DOCK4: variants seen among roughly 807,000 people sequenced by gnomAD.
The protein encoded by DOCK4 is dedicator of cytokinesis protein 4.
A neutral mutation model predicts 268.1 loss-of-function variants in DOCK4; 97 were observed. The ratio of observed to expected loss-of-function variants is 0.36; its 90% CI spans 0.31 to 0.43. The LOEUF is 0.43. Ranked by LOEUF, DOCK4 falls within the 20% of genes least tolerant of loss-of-function variation. The pLI is 1.00. For missense variants in DOCK4, 2,145 were observed against 2,455.7 expected (o/e 0.87, Z 2.67); for synonymous variants, 954 against 887.2 (o/e 1.08, Z -1.34).
chr7:111,933,697 G>T (rs1206398442), intron 12 of DOCK4, among the ~76,000 whole-genome samples: 3 of 152,096 alleles, frequency 2.0e-5, no homozygotes, highest in East Asian at 1.9e-4. Flanking sequence ...TAGAGATTCT[G>T]CCCTCAATAG....
intron 22 of DOCK4, among the ~76,000 whole-genome samples, chr7:111,864,639 C>A (rs1044429395): frequency 6.6e-6 from 1 of 152,092 alleles, no homozygotes; most frequent in Non-Finnish European, 1.5e-5. Context: ...TTGATGCCAG[C>A]GCCATCAAAA....
chr7:111,834,352 G>A (rs1004941367), intron 26 of DOCK4, among the ~76,000 whole-genome samples: 2 of 152,090 alleles, frequency 1.3e-5, no homozygotes, highest in Non-Finnish European at 2.9e-5. Context: ...TTTGATGACA[G>A]GTACTTCACA....
chr7:112,066,690 C>CATATATATATATATATATATATATAT (rs751631282), intron 1 of DOCK4, among the ~76,000 whole-genome samples: 1 of 20,990 alleles, frequency 4.8e-5, no homozygotes, highest in Non-Finnish European at 8.4e-5. Context: ...TATACATATA[C>CATATATATATATATATATATATATAT]ATATATATAT....
chr7:111,873,853 A>G (rs1586234873), intron 17 of DOCK4, among the ~76,000 whole-genome samples: 1 of 152,236 alleles, frequency 6.6e-6, no homozygotes, highest in South Asian at 2.1e-4. Context: ...GAGGAGGAGG[A>G]ATTAGAATGA....
intron 16 of DOCK4, among the ~76,000 whole-genome samples, chr7:111,891,126 A>T (rs1198132538): frequency 6.6e-6 from 1 of 152,164 alleles, no homozygotes; most frequent in African/African-American, 2.4e-5. Flanking sequence ...GTCCAGAATT[A>T]AATAGTATAA....
chr7:111,863,389 T>A lies in DOCK4; in HGVS notation c.2456A>T (p.Gln819Leu). Residue 819 changes from glutamine (Q) to leucine (L), a missense_variant, in exon 23 of 53, where the codon CAG becomes CTG. Transcript: ENST00000428084. ...LQCIGKTVES[Q>L]LYTNPDSRYI... ...CACCCTACCTGGGTTGGTATAAAGC[T>A]GGCTTTCCACGGTTTTGCCAATGCA... 6.2e-7 allele frequency: 1 copy of A among 1,614,024 alleles called. No homozygotes were observed. The highest frequency in any genetic ancestry group is 8.5e-7 in the Non-Finnish European group (1 of 1,179,900).
chr7:111,969,799 A>G (rs1214042235), intron 8 of DOCK4, among the ~76,000 whole-genome samples: 4 of 152,204 alleles, frequency 2.6e-5, no homozygotes, highest in South Asian at 4.1e-4. Context: ...AACAAATACC[A>G]TGACTCTATC....
intron 1 of DOCK4, among the ~76,000 whole-genome samples, chr7:112,030,020 AT>A (rs1421489716): frequency 1.3e-5 from 2 of 152,208 alleles, no homozygotes; most frequent in Non-Finnish European, 2.9e-5. Flanking sequence ...TAGGAGAACC[AT>A]TACATCTGCA....
In DOCK4 at chr7:111,868,152, T is replaced by G; in HGVS notation, c.2112A>C (p.Ala704=). The change falls in exon 22 of 53, where the codon GCA becomes GCC. Residue 704 remains alanine, a splice_region_variant and synonymous_variant. Coordinates refer to ENST00000428084, the MANE Select transcript of DOCK4 (RefSeq NM_001363540.2). ...RQEHIQEVLK[A]QEYIFKYIVQ... ...CTATATACTTAAAAATGTATTCTTG[T>G]GCCTTAAAAATACAATTTTTAAAAG... 6.4e-7 allele frequency: 1 copy of G among 1,572,848 alleles called. No individual in the cohort carries two copies. The highest frequency in any genetic ancestry group is 8.6e-7 in the Non-Finnish European group (1 of 1,162,294).
rs560676558 is a variant in DOCK4, at chr7:112,058,344, G to C, written c.38-54213C>G. Among the ~76,000 whole-genome samples, 12 of 152,148 alleles carry C rather than the reference G, an allele frequency of 7.9e-5. 1 individual carries two copies. The South Asian group carries it at 2.5e-3, about 32-fold the overall frequency. ...CCTCTACTCCAAGATGGCTCCAAAA[G>C]CAATATGAAGTGATGACATGATGTA... On this transcript the variant is annotated intron_variant, in intron 1 of 52. Coordinates refer to ENST00000428084, the MANE Select transcript of DOCK4 (RefSeq NM_001363540.2).
chr7:111,789,008 T>G (rs1585990107), intron 31 of DOCK4: 1 of 511,860 alleles, frequency 2.0e-6, no homozygotes, highest in East Asian at 3.3e-5. Flanking sequence ...CAAACACAAA[T>G]GCTTGCAGCC....
chr7:111,921,661 C>A (rs1260344870), intron 12 of DOCK4, among the ~76,000 whole-genome samples: 1 of 152,154 alleles, frequency 6.6e-6, no homozygotes, highest in Non-Finnish European at 1.5e-5. Context: ...CCTCTCTGTG[C>A]TTTGGTTTCC....
chr7:111,757,748 A>C (rs1797128049), intron 41 of DOCK4, among the ~76,000 whole-genome samples: 1 of 152,230 alleles, frequency 6.6e-6, no homozygotes, highest in African/African-American at 2.4e-5. Context: ...GAGCTGACCA[A>C]GTGAGTTAAC....
chr7:111,789,254 C>T (rs1799374570), intron 31 of DOCK4: 1 of 159,202 alleles, frequency 6.3e-6, no homozygotes, highest in Non-Finnish European at 1.4e-5. Flanking sequence ...GATGGTAGAT[C>T]CATAGCAATA....
chr7:112,087,431 T>C (rs1809198114), intron 1 of DOCK4, among the ~76,000 whole-genome samples: 1 of 152,126 alleles, frequency 6.6e-6, no homozygotes, highest in South Asian at 2.1e-4. Flanking sequence ...TGCACACAAA[T>C]AGACATCCTC....
chr7:111,808,602 A>T, intron 30 of DOCK4: 1 of 469,260 alleles, frequency 2.1e-6, no homozygotes, highest in Non-Finnish European at 3.8e-6. Context: ...ATTAATAATG[A>T]AACACACAAA....
intron 52 of DOCK4, among the ~76,000 whole-genome samples, chr7:111,730,859 C>A (rs112446392): frequency 0.012 from 1,775 of 152,294 alleles, 14 homozygotes; most frequent in Non-Finnish European, 0.019. Context: ...TATATACCAG[C>A]TTGCTAAGAC....
intron 30 of DOCK4, among the ~76,000 whole-genome samples, chr7:111,803,951 T>A (rs1034903213): frequency 6.6e-6 from 1 of 152,168 alleles, no homozygotes; most frequent in Non-Finnish European, 1.5e-5. Context: ...AAATAACAAA[T>A]GCTGGAGAGA....
intron 23 of DOCK4, among the ~76,000 whole-genome samples, chr7:111,861,475 G>A (rs1175064792): frequency 6.6e-6 from 1 of 152,108 alleles, no homozygotes; most frequent in Non-Finnish European, 1.5e-5. Flanking sequence ...GGCCGGGTGT[G>A]GTGGCTCACG....
Sources: allele counts gnomAD v4.1 joint callset (sites outside exome capture counted in the v4.1 genomes callset), GRCh38; gene constraint gnomAD v4.1.1; transcripts MANE v1.5; gene names NCBI Gene and HGNC (gene_info 2026-07-23, HGNC 2026-07-21).